The following VPS37B variants were observed in gnomAD, a reference collection of about 807,000 sequenced individuals.
VPS37B encodes vacuolar protein sorting-associated protein 37B.
VPS37B carries 11 observed loss-of-function variants against 21.2 expected under a neutral mutation model. That is an observed-to-expected ratio of 0.52 (90% CI 0.33 to 0.86). The LOEUF (loss-of-function observed/expected upper bound fraction) is 0.86, where lower values mean the gene tolerates loss of function less well. Ranked by LOEUF, VPS37B falls within the 40% of genes least tolerant of loss-of-function variation. The probability of loss-of-function intolerance (pLI) is 0.03; values close to 1 mark genes in which losing one functional copy is unlikely to be tolerated. For synonymous variants in VPS37B, 175 were observed against 159.6 expected (o/e 1.10, Z -0.73); for missense variants, 389 against 374.8 (o/e 1.04, Z -0.31).
chr12:122,868,077 C>A lies in VPS37B; in HGVS notation c.366+403G>T, dbSNP rs60901287. 0.027 allele frequency among the ~76,000 whole-genome samples: 4,154 copies of A among 152,328 alleles called. 167 individuals are homozygous for A. Among genetic ancestry groups the A allele is most frequent in the African/African-American group, 0.092 (3,833 of 41,556 alleles). ...CCGGCCCCAGCCTGCAACAACTGCA[C>A]AACATTCGACCTTGACTCATTTCCT... is the stretch of plus-strand genomic sequence containing the variant. On this transcript the variant is annotated intron_variant, in intron 3 of 3. Transcript: ENST00000267202. The surrounding 1 kb of genome is among the most constrained non-coding windows in gnomAD (Gnocchi z 5.5).
At chr12:122,891,314 C>T (rs1291337529) in intron 1 of VPS37B, among the ~76,000 whole-genome samples, 1 of 152,238 alleles carries the variant, frequency 6.6e-6, no homozygotes, top group African/African-American at 2.4e-5. Context: ...AGGGAGCTGG[C>T]CTCTACTGAA....
intron 1 of VPS37B, chr12:122,878,950 C>A (rs2034204911): frequency 6.6e-6 from 1 of 151,938 alleles, no homozygotes; most frequent in African/African-American, 2.4e-5. Flanking sequence ...CCCTGCCCGG[C>A]CGACAAGAGT....
At chr12:122,875,837 C>T (rs971100336) in intron 1 of VPS37B, 2 of 143,474 alleles carry the variant, frequency 1.4e-5, no homozygotes, top group Admixed American at 6.9e-5. Context: ...TTTTAGGAAC[C>T]ATCAAACTAA....
rs112701956 is a variant in VPS37B, at chr12:122,870,931, T to C, written c.242A>G (p.Gln81Arg). The C allele has an allele frequency of 1.1e-5, 17 of 1,614,188 alleles. No homozygotes were observed. The highest frequency in any genetic ancestry group is 2.7e-5 in the African/African-American group (2 of 75,052). The change falls in exon 2 of 4, where the codon CAG becomes CGG. Residue 81 changes from glutamine (Q) to arginine (R), a missense_variant. Gln to Arg is a conservative substitution (Grantham distance 43). Transcript: ENST00000267202. ...ARLTQKYQEL[Q>R]VLFEAYQIKK... Reference sequence around the variant, plus strand: ...TATCTGATAGGCTTCAAAGAGAACCTGGAGTTCCTGGTATTTCTGGGTCAA... The same window carrying C: ...TATCTGATAGGCTTCAAAGAGAACCCGGAGTTCCTGGTATTTCTGGGTCAA...
chr12:122,884,054 GA>G (rs1342282064), intron 1 of VPS37B: 1 of 152,172 alleles, frequency 6.6e-6, no homozygotes, highest in African/African-American at 2.4e-5. Flanking sequence ...TAGGCCTTCC[GA>G]ATTAGAATCT....
chr12:122,871,209 G>A (rs2034026887), intron 1 of VPS37B, 148 bp from the exon 2 acceptor site: 4 of 1,407,752 alleles, frequency 2.8e-6, no homozygotes, highest in Non-Finnish European at 3.7e-6. Context: ...AGATGCTACT[G>A]ACCCAGAGCC....
chr12:122,895,861 C>A (rs2034484544), intron 1 of VPS37B, 91 bp downstream of exon 1: 4 of 1,182,930 alleles, frequency 3.4e-6, no homozygotes, highest in African/African-American at 1.6e-5. Context: ...CGACCGGAGG[C>A]GCCGCGGTCG....
chr12:122,875,223 A>ATTTTTTTTTTTTTTT (rs34993068), intron 1 of VPS37B: 1 of 95,998 alleles, frequency 1.0e-5, no homozygotes, highest in African/African-American at 4.1e-5. Context: ...CACCTGGCTA[A>ATTTTTTTTTTTTTTT]TTTTTTTTTT....
chr12:122,871,765 T>C, intron 1 of VPS37B: 1 of 967,150 alleles, frequency 1.0e-6, no homozygotes, highest in African/African-American at 1.8e-5. Flanking sequence ...AGAAGCCACA[T>C]GCCCAGAACT....
Position 122,896,064 on chromosome 12 carries a change from C to A in VPS37B, c.-2G>T. ...GGCTTCGCTCCCGGCGCCCGCCATC[C>A]CCACGTCTCGGCCGTCGTCGCCACC... On this transcript the variant is annotated 5_prime_UTR_variant, in exon 1 of 4. Transcript: ENST00000267202. 1 of 1,577,016 alleles carries A rather than the reference C, an allele frequency of 6.3e-7. No homozygotes were observed.
chr12:122,867,138 T>A lies in VPS37B; in HGVS notation c.836A>T (p.Gln279Leu). 6.5e-7 allele frequency: 1 copy of A among 1,532,628 alleles called. No homozygotes were observed. Among genetic ancestry groups the A allele is most frequent in the Non-Finnish European group, 8.7e-7 (1 of 1,146,892 alleles). The allele number at this position is 1,532,628 out of a possible 1,614,324, so 94.9% of individuals were successfully genotyped here. Residue 279 changes from glutamine (Q) to leucine (L), a missense_variant, in exon 4 of 4, where the codon CAG (glutamine) becomes CTG (leucine). Physicochemically the swap from Gln to Leu is moderately radical, Grantham distance 113. Transcript: ENST00000267202. This position sits in a 1 kb window ranked among gnomAD's most constrained non-coding sequence, Gnocchi z 5.5. ...QRPPPRLPPH[Q>L]PGFILQ ...CGCTCACTGGAGGATGAAACCCGGCTGGTGTGGAGGGAGCCGGGGCGGGGG... is the reference window on the plus strand; with the variant it reads ...CGCTCACTGGAGGATGAAACCCGGCAGGTGTGGAGGGAGCCGGGGCGGGGG...
Position 122,870,943 on chromosome 12 carries a change from T to C in VPS37B, c.230A>G (p.Tyr77Cys). ...DTLKARLTQKYQELQVLFEAY... is the reference protein window; with the variant it reads ...DTLKARLTQKCQELQVLFEAY... Reference sequence around the variant, plus strand: ...TTCAAAGAGAACCTGGAGTTCCTGGTATTTCTGGGTCAAGCGTGCTTTCAA... The same window carrying C: ...TTCAAAGAGAACCTGGAGTTCCTGGCATTTCTGGGTCAAGCGTGCTTTCAA... The change falls in exon 2 of 4, where the codon TAC (tyrosine) becomes TGC (cysteine). Residue 77 changes from tyrosine (Y) to cysteine (C), a missense_variant. Tyr to Cys is a radical substitution (Grantham distance 194, BLOSUM62 -2). Coordinates refer to ENST00000267202, the MANE Select transcript of VPS37B (RefSeq NM_024667.3). 1 of 1,614,164 alleles carries C rather than the reference T, an allele frequency of 6.2e-7. No homozygotes were observed. The highest frequency in any genetic ancestry group is 1.3e-5 in the African/African-American group (1 of 75,036).
chr12:122,867,823 G>A lies in VPS37B; in HGVS notation c.367-216C>T, dbSNP rs571633843. Among the ~76,000 whole-genome samples the A allele has an allele frequency of 3.3e-5, 5 of 152,306 alleles. No homozygotes were observed. The South Asian group carries it at 1.0e-3, about 32-fold the overall frequency. On this transcript the variant is annotated intron_variant, in intron 3 of 3. Coordinates refer to ENST00000267202, the MANE Select transcript of VPS37B (RefSeq NM_024667.3). This position sits in a 1 kb window ranked among gnomAD's most constrained non-coding sequence, Gnocchi z 5.5. ...AGGTGGAGAGGACGACAGCCCTGCTGCGCACCCCACCACCAGCGTGACAGG... is the reference window on the plus strand; with the variant it reads ...AGGTGGAGAGGACGACAGCCCTGCTACGCACCCCACCACCAGCGTGACAGG...
At chr12:122,889,127 A>T (rs1481530234) in intron 1 of VPS37B, 1 of 153,340 alleles carries the variant, frequency 6.5e-6, no homozygotes, top group Non-Finnish European at 1.5e-5. Context: ...GACAAACATG[A>T]CAAAATGCAG....
intron 1 of VPS37B, chr12:122,872,832 T>G (rs2034064572): frequency 2.9e-6 from 1 of 344,172 alleles, no homozygotes; most frequent in African/African-American, 2.2e-5. Flanking sequence ...CTCAGGACTG[T>G]TGAGAGCAAC....
At chr12:122,874,018 T>A (rs1269725630) in intron 1 of VPS37B, 2 of 152,184 alleles carry the variant, frequency 1.3e-5, no homozygotes, top group Non-Finnish European at 2.9e-5. Flanking sequence ...GTGCCTCCAA[T>A]CCTTGATGAA....
At chr12:122,871,160 C>T in intron 1 of VPS37B, 99 bp from the exon 2 acceptor site, 5 of 1,498,284 alleles carry the variant, frequency 3.3e-6, no homozygotes, top group Non-Finnish European at 4.5e-6. Context: ...CAGCTGCTGC[C>T]ACCTCACTGG....
At position 122,867,062 on chromosome 12, in the gene VPS37B, C is replaced by T. The variant is rs1279069076; in HGVS notation, c.*54G>A. On this transcript the variant is annotated 3_prime_UTR_variant, in exon 4 of 4. Transcript: ENST00000267202. This position sits in a 1 kb window ranked among gnomAD's most constrained non-coding sequence, Gnocchi z 5.5. The stretch of plus-strand genomic sequence containing the variant: ...GGACCTCCAGCCTCCTTCCCGTGAG[C>T]AGAGCACAACACGCCAGGTGGAAGA... 6.8e-7 allele frequency: 1 copy of T among 1,466,986 alleles called. No homozygotes were observed. Among genetic ancestry groups the T allele is most frequent in the Admixed American group, 2.8e-5 (1 of 35,556 alleles). The allele number at this position is 1,466,986 out of a possible 1,614,324, so 90.9% of individuals were successfully genotyped here. A position where few individuals can be genotyped will look rare whatever the true frequency, so the allele number is the denominator to read the frequency against.
intron 1 of VPS37B, chr12:122,885,505 ACT>A (rs911025549): frequency 4.0e-5 from 6 of 151,882 alleles, no homozygotes; most frequent in African/African-American, 1.5e-4. Context: ...TCAAACAAAA[ACT>A]CTACAAAAAC....
Sources: gnomAD v4.1 joint callset for allele counts (sites outside exome capture counted in the v4.1 genomes callset) on GRCh38, gnomAD v4.1.1 for gene constraint, Gnocchi (gnomAD v3.1) non-coding constraint, MANE v1.5 for transcripts, NCBI Gene and HGNC (gene_info 2026-07-23, HGNC 2026-07-21) for gene names.